The following SYNPO2 variants were observed in gnomAD, a reference collection of about 807,000 sequenced individuals.
SYNPO2 encodes the protein synaptopodin 2, also known as synaptopodin-2.
In SYNPO2, 56 loss-of-function variants were observed where a neutral mutation model predicts 85.0. That is an observed-to-expected ratio of 0.66 (90% CI 0.53 to 0.82). SYNPO2 has a LOEUF of 0.82. Among genes scored for constraint, SYNPO2 ranks in the 40% least tolerant of loss-of-function variants. The pLI is 0.00. For missense variants in SYNPO2, 1,575 were observed against 1,534.2 expected (o/e 1.03, Z -0.44); for synonymous variants, 602 against 591.1 (o/e 1.02, Z -0.27).
chr4:118,896,487 G>A (rs1732553958), intron 1 of SYNPO2, among the ~76,000 whole-genome samples: 1 of 152,182 alleles, frequency 6.6e-6, no homozygotes, highest in Non-Finnish European at 1.5e-5. Flanking sequence ...GAATTCTGAA[G>A]AGTAAACACC....
chr4:119,039,123 G>A (rs567516716), intron 4 of SYNPO2, among the ~76,000 whole-genome samples: 2 of 152,224 alleles, frequency 1.3e-5, no homozygotes, highest in African/African-American at 4.8e-5. Context: ...GGGGGCTTAA[G>A]ATGTGCTAGG....
At chr4:119,050,845 A>G (rs961820367) in intron 4 of SYNPO2, among the ~76,000 whole-genome samples, 5 of 152,174 alleles carry the variant, frequency 3.3e-5, no homozygotes, top group Admixed American at 1.3e-4. Flanking sequence ...TAACTATACC[A>G]TCTGCCAGAT....
intron 1 of SYNPO2, among the ~76,000 whole-genome samples, chr4:118,945,905 C>A (rs545480831): frequency 2.0e-5 from 3 of 152,114 alleles, no homozygotes; most frequent in Admixed American, 6.6e-5. Context: ...ACCACCACAC[C>A]TGGCTAATTT....
Position 119,058,937 on chromosome 4 carries a change from A to G in SYNPO2, c.*1003A>G, listed in dbSNP as rs1739313875. 1 of 152,218 alleles carries G rather than the reference A, an allele frequency of 6.6e-6. No individual in the cohort carries two copies. Among genetic ancestry groups the G allele is most frequent in the South Asian group, 2.1e-4 (1 of 4,828 alleles). The allele number at this position is 152,218 out of a possible 1,614,324, so 9.4% of individuals were successfully genotyped here. ...TGATGTGTAGAGAATAGAAAGATTT[A>G]GATATATGCCTGTGACAGGAATAGA... On this transcript the variant is annotated 3_prime_UTR_variant, in exon 5 of 5. Coordinates refer to ENST00000307142, the MANE Select transcript of SYNPO2 (RefSeq NM_133477.3).
At chr4:118,879,358 A>G (rs1732020073) in intron 1 of SYNPO2, among the ~76,000 whole-genome samples, 2 of 152,328 alleles carry the variant, frequency 1.3e-5, no homozygotes, top group Middle Eastern at 3.4e-3. Context: ...GTCTCCCCTG[A>G]AATTCATATG....
chr4:118,873,358 TA>T (rs1317372598), intron 1 of SYNPO2, among the ~76,000 whole-genome samples: 7 of 152,164 alleles, frequency 4.6e-5, no homozygotes, highest in South Asian at 4.1e-4. Flanking sequence ...CAATATCTGT[TA>T]TTTTTTTGTT....
At chr4:119,013,897 G>A (rs555627960) in intron 1 of SYNPO2, among the ~76,000 whole-genome samples, 1 of 152,238 alleles carries the variant, frequency 6.6e-6, no homozygotes, top group South Asian at 2.1e-4. Context: ...TATACCTATG[G>A]TTTCAGATTC....
intron 1 of SYNPO2, among the ~76,000 whole-genome samples, chr4:118,932,074 T>C (rs1325447122): frequency 6.6e-6 from 1 of 152,214 alleles, no homozygotes; most frequent in Non-Finnish European, 1.5e-5. Flanking sequence ...TTGGATTTTG[T>C]GGTCATCCAC....
In SYNPO2 at chr4:119,058,522, T is replaced by C. The variant is rs1739296445; in HGVS notation, c.*588T>C. On this transcript the variant is annotated 3_prime_UTR_variant, in exon 5 of 5. Coordinates refer to ENST00000307142, the MANE Select transcript of SYNPO2 (RefSeq NM_133477.3). ...GAGTCTTGCTCTGTCCCACCCAGTC[T>C]GGAGTGCAATGGTGCGATCTTGGCT... 1 of 142,000 alleles carries C rather than the reference T, an allele frequency of 7.0e-6. No homozygotes were observed. Among genetic ancestry groups the C allele is most frequent in the South Asian group, 2.4e-4 (1 of 4,218 alleles). The allele number at this position is 142,000 out of a possible 1,614,324, so 8.8% of individuals were successfully genotyped here.
At chr4:118,904,887 C>T (rs369081283) in intron 1 of SYNPO2, among the ~76,000 whole-genome samples, 1 of 152,146 alleles carries the variant, frequency 6.6e-6, no homozygotes, top group African/African-American at 2.4e-5. Context: ...TGGTGCTCAG[C>T]ATAACTGCTA....
chr4:118,900,785 A>ATCTATCTG (rs1732729724), intron 1 of SYNPO2, among the ~76,000 whole-genome samples: 3 of 144,984 alleles, frequency 2.1e-5, no homozygotes, highest in African/African-American at 7.7e-5. Context: ...CTATCTATCT[A>ATCTATCTG]TAGATATTTG....
intron 1 of SYNPO2, among the ~76,000 whole-genome samples, chr4:118,972,037 C>G (rs761967504): frequency 7.9e-5 from 12 of 152,212 alleles, no homozygotes; most frequent in Non-Finnish European, 1.6e-4. Flanking sequence ...ATGTAGAACT[C>G]TATTTAATCT....
At chr4:118,980,989 C>T (rs1254275316) in intron 1 of SYNPO2, among the ~76,000 whole-genome samples, 1 of 152,234 alleles carries the variant, frequency 6.6e-6, no homozygotes, top group African/African-American at 2.4e-5. Context: ...AGTTACTAAG[C>T]ACAGTTTCCT....
chr4:118,965,279 C>T (rs1735268380), intron 1 of SYNPO2, among the ~76,000 whole-genome samples: 1 of 152,000 alleles, frequency 6.6e-6, no homozygotes, highest in Non-Finnish European at 1.5e-5. Context: ...CATTTGCCAG[C>T]ACCCCCCCAC....
chr4:119,044,912 G>A (rs559937977), intron 4 of SYNPO2, among the ~76,000 whole-genome samples: 21 of 152,240 alleles, frequency 1.4e-4, no homozygotes, highest in African/African-American at 2.2e-4. Context: ...CTGTGTCTTC[G>A]TCATTGCCAT....
intron 1 of SYNPO2, among the ~76,000 whole-genome samples, chr4:119,007,260 A>ATGTATATG (rs1553945958): frequency 2.7e-5 from 1 of 37,028 alleles, no homozygotes; most frequent in Non-Finnish European, 5.7e-5. Context: ...ATACATATAT[A>ATGTATATG]TATATATATA....
intron 1 of SYNPO2, among the ~76,000 whole-genome samples, chr4:118,904,528 A>C (rs1481383469): frequency 6.6e-6 from 1 of 152,214 alleles, no homozygotes; most frequent in Non-Finnish European, 1.5e-5. Flanking sequence ...AAAGAAAATA[A>C]ATTGTCCTTG....
At chr4:119,017,720 T>C (rs921083146) in intron 1 of SYNPO2, among the ~76,000 whole-genome samples, 5 of 152,186 alleles carry the variant, frequency 3.3e-5, no homozygotes, top group African/African-American at 1.2e-4. Context: ...CAATAGATTA[T>C]AATAGTGGAT....
At chr4:118,963,120 G>A (rs1325945729) in intron 1 of SYNPO2, among the ~76,000 whole-genome samples, 1 of 152,144 alleles carries the variant, frequency 6.6e-6, no homozygotes. Context: ...CAAGAAAAAG[G>A]CACTTCTATA....
Sources: gnomAD v4.1 joint callset for allele counts (sites outside exome capture counted in the v4.1 genomes callset) on GRCh38, gnomAD v4.1.1 for gene constraint, MANE v1.5 for transcripts, NCBI Gene and HGNC (gene_info 2026-07-23, HGNC 2026-07-21) for gene names.